Variants in POF1B observed in about 807,000 individuals in gnomAD.
The protein encoded by POF1B is protein POF1B.
Under a neutral mutation model 55.3 loss-of-function variants are expected in POF1B, and 53 were observed. The ratio of observed to expected loss-of-function variants is 0.96; its 90% confidence interval spans 0.77 to 1.20. POF1B has a LOEUF of 1.20. Among genes scored for constraint, POF1B ranks in the 50% most tolerant of loss-of-function variants. POF1B has a pLI of 0.00. For synonymous variants in POF1B, 188 were observed against 148.3 expected, an observed-to-expected ratio of 1.27 and a Z score of -1.95; for missense variants, 478 against 420.5, an observed-to-expected ratio of 1.14 and a Z score of -1.20.
At chrX:85,321,831 C>A (rs930929304) in intron 7 of POF1B, among the ~76,000 whole-genome samples, 8 of 107,491 alleles carry the variant, frequency 7.4e-5, no homozygotes, top group Non-Finnish European at 1.3e-4. Flanking sequence ...CATGAGTGAA[C>A]TCCCATTCAC....
At chrX:85,300,654 C>A (rs566504812) in intron 15 of POF1B, among the ~76,000 whole-genome samples, 41 of 111,596 alleles carry the variant, frequency 3.7e-4, no homozygotes, top group African/African-American at 1.1e-3. Flanking sequence ...AATTATAAGA[C>A]ATGCAAAGAA....
chrX:85,285,349 C>T (rs1932024122), intron 15 of POF1B, among the ~76,000 whole-genome samples: 1 of 111,021 alleles, frequency 9.0e-6, no homozygotes, highest in South Asian at 3.8e-4. Context: ...GACGTATGCA[C>T]ACGTATGTTT....
chrX:85,279,489 T>A, intron 16 of POF1B, 63 bp from the exon 17 acceptor site: 2 of 1,051,427 alleles, frequency 1.9e-6, no homozygotes, highest in South Asian at 2.0e-5. Context: ...TGTTACTATA[T>A]GCAAAGTTAT....
At chrX:85,348,000 C>T (rs1933303855) in intron 5 of POF1B, among the ~76,000 whole-genome samples, 1 of 111,414 alleles carries the variant, frequency 9.0e-6, no homozygotes, top group Non-Finnish European at 1.9e-5. Flanking sequence ...CAAAACAAAA[C>T]AGTATGTTCC....
Position 85,282,259 on chromosome X carries a change from G to A in POF1B, c.1708C>T (p.Pro570Ser), listed in dbSNP as rs1363795562. 8.4e-7 allele frequency: 1 copy of A among 1,191,650 alleles called. No homozygotes were observed. The highest frequency in any genetic ancestry group is 1.1e-6 in the Non-Finnish European group (1 of 883,923). The change falls in exon 16 of 17, where the codon CCA (proline) becomes TCA (serine). Residue 570 changes from proline to serine, a missense_variant. Physicochemically the swap from Pro to Ser is moderately conservative, Grantham distance 74 (BLOSUM62 -1). Coordinates refer to ENST00000262753, the MANE Select transcript of POF1B (RefSeq NM_024921.4). ...LLYDDYEYIP[P>S]GSETQTIVIE... is the part of the protein sequence containing the mutation. ...ACAATAGTCTGTGTTTCACTACCTG[G>A]TGGTATATATTCGTAGTCATCATAT... is the stretch of plus-strand genomic sequence containing the variant.
At chrX:85,354,858 A>G (rs1262913271) in intron 4 of POF1B, among the ~76,000 whole-genome samples, 2 of 111,610 alleles carry the variant, frequency 1.8e-5, no homozygotes, top group African/African-American at 6.5e-5. Flanking sequence ...GGAACAATCA[A>G]TAACGTGAAA....
intron 15 of POF1B, among the ~76,000 whole-genome samples, chrX:85,302,495 T>C (rs1932481245): frequency 9.0e-6 from 1 of 111,084 alleles, no homozygotes; most frequent in Non-Finnish European, 1.9e-5. Flanking sequence ...TAGGAATGTA[T>C]GATGGTGCTT....
At chrX:85,289,282 A>C (rs972440845) in intron 15 of POF1B, among the ~76,000 whole-genome samples, 2 of 111,838 alleles carry the variant, frequency 1.8e-5, no homozygotes, top group African/African-American at 6.5e-5. Flanking sequence ...AAGGGGCTTA[A>C]ATGTAACCTC....
intron 16 of POF1B, among the ~76,000 whole-genome samples, chrX:85,281,789 T>G (rs1216234069): frequency 9.2e-6 from 1 of 108,842 alleles, no homozygotes; most frequent in Non-Finnish European, 1.9e-5. Context: ...GCAAGACAAA[T>G]TCTATTGAAA....
chrX:85,337,266 A>C (rs1024545851), intron 6 of POF1B, among the ~76,000 whole-genome samples: 2 of 111,449 alleles, frequency 1.8e-5, no homozygotes, highest in Non-Finnish European at 3.8e-5. Flanking sequence ...TTTCCAATGC[A>C]AAGTCCCACA....
chrX:85,312,260 C>A (rs1344688035), intron 9 of POF1B, among the ~76,000 whole-genome samples: 1 of 111,655 alleles, frequency 9.0e-6, no homozygotes, highest in African/African-American at 3.3e-5. Context: ...ATGCCTATGT[C>A]CTGAATGGTA....
chrX:85,298,093 G>A (rs1932348916), intron 15 of POF1B, among the ~76,000 whole-genome samples: 1 of 112,263 alleles, frequency 8.9e-6, no homozygotes, highest in Non-Finnish European at 1.9e-5. Flanking sequence ...TGTGGGGAAA[G>A]CACTCCAGCA....
At chrX:85,376,347 G>A (rs769654437) in intron 2 of POF1B, among the ~76,000 whole-genome samples, 3 of 111,608 alleles carry the variant, frequency 2.7e-5, no homozygotes, top group Non-Finnish European at 5.7e-5. Context: ...TAACAGCTAA[G>A]CTTTGTAAAA....
chrX:85,278,983 A>C lies in POF1B; in HGVS notation c.*438T>G, dbSNP rs1931837398. Reference sequence around the variant, plus strand: ...TTATTTTTTGCTTCAATTGTATTTTATCTCTTTTGTTAAAAAAACATGATT... The same window carrying C: ...TTATTTTTTGCTTCAATTGTATTTTCTCTCTTTTGTTAAAAAAACATGATT... On this transcript the variant is annotated 3_prime_UTR_variant, in exon 17 of 17. Coordinates refer to ENST00000262753, the MANE Select transcript of POF1B (RefSeq NM_024921.4). 8.7e-6 allele frequency: 1 copy of C among 114,770 alleles called. No homozygotes were observed. The highest frequency in any genetic ancestry group is 1.8e-5 in the Non-Finnish European group (1 of 55,219). The allele number at this position is 114,770 out of a possible 1,213,427, so 9.5% of individuals were successfully genotyped here. A position where few individuals can be genotyped will look rare whatever the true frequency, so the allele number is the denominator to read the frequency against.
chrX:85,288,518 T>C (rs944932827), intron 15 of POF1B, among the ~76,000 whole-genome samples: 6 of 111,430 alleles, frequency 5.4e-5, no homozygotes, highest in Non-Finnish European at 1.1e-4. Context: ...TCTGGTGCAG[T>C]GGCACAGGGA....
chrX:85,291,730 G>C (rs1465363690), intron 15 of POF1B, among the ~76,000 whole-genome samples: 1 of 110,406 alleles, frequency 9.1e-6, no homozygotes, highest in Non-Finnish European at 1.9e-5. Flanking sequence ...CTTGACTTTT[G>C]TTGGTGGATA....
intron 7 of POF1B, among the ~76,000 whole-genome samples, chrX:85,324,690 G>A (rs1019782563): frequency 9.1e-6 from 1 of 110,455 alleles, no homozygotes; most frequent in African/African-American, 3.3e-5. Flanking sequence ...TTTTTATTGG[G>A]GCATTTAGCT....
Position 85,305,823 on chromosome X carries a change from T to G in POF1B, c.1405A>C (p.Met469Leu). 8.3e-7 allele frequency: 1 copy of G among 1,209,736 alleles called. No homozygotes were observed. The highest frequency in any genetic ancestry group is 1.1e-6 in the Non-Finnish European group (1 of 894,163). The stretch of plus-strand genomic sequence containing the variant: ...CTGCAGATCTCTCTATCTTTCTCCA[T>G]TCTCAAGTTTTTTACCATCTCCGTG... The part of the protein sequence containing the change: ...HYTEMVKNLR[M>L]EKDREICRLR... The change falls in exon 13 of 17, where the codon ATG becomes CTG. Residue 469 changes from methionine to leucine, a missense_variant. Met to Leu is a conservative substitution (Grantham distance 15, BLOSUM62 2). Coordinates refer to ENST00000262753, the MANE Select transcript of POF1B (RefSeq NM_024921.4).
intron 2 of POF1B, among the ~76,000 whole-genome samples, chrX:85,371,062 A>G (rs1933811571): frequency 9.0e-6 from 1 of 111,636 alleles, no homozygotes; most frequent in Non-Finnish European, 1.9e-5. Flanking sequence ...GACATAGTGG[A>G]AAAAGTGCTA....
Sources: gnomAD v4.1 joint callset for allele counts (sites outside exome capture counted in the v4.1 genomes callset) on GRCh38, gnomAD v4.1.1 for gene constraint, MANE v1.5 for transcripts, NCBI Gene and HGNC (gene_info 2026-07-23, HGNC 2026-07-21) for gene names.